The following PCDHA3 variants were observed in gnomAD, a reference collection of about 807,000 sequenced individuals.
PCDHA3 encodes the protein protocadherin alpha-3.
A neutral mutation model predicts 62.2 loss-of-function variants in PCDHA3; 41 were observed. The ratio of observed to expected loss-of-function variants is 0.66; its 90% CI spans 0.51 to 0.86. PCDHA3 has a LOEUF of 0.86. Ranked by LOEUF, PCDHA3 falls within the 40% of genes least tolerant of loss-of-function variation. PCDHA3 has a pLI of 0.00. For synonymous variants in PCDHA3, 640 were observed against 555.4 expected (o/e 1.15, Z -2.14); for missense variants, 1,304 against 1,241.2 (o/e 1.05, Z -0.76).
chr5:140,941,214 C>CTTTCTTTCTTTCTGTCTTT, intron 1 of PCDHA3, among the ~76,000 whole-genome samples: 1 of 122,492 alleles, frequency 8.2e-6, no homozygotes, highest in African/African-American at 3.1e-5. Flanking sequence ...TTTCTTTCTT[C>CTTTCTTTCTTTCTGTCTTT]CTTTCTTTCT....
chr5:140,897,548 A>G (rs1417180451), intron 1 of PCDHA3, among the ~76,000 whole-genome samples: 6 of 152,098 alleles, frequency 3.9e-5, no homozygotes, highest in Admixed American at 2.6e-4. Context: ...ATAGTCTTCC[A>G]TGGTGTATAT....
At chr5:140,828,161 T>A in intron 1 of PCDHA3, 2 of 1,614,176 alleles carry the variant, frequency 1.2e-6, no homozygotes, top group Non-Finnish European at 1.7e-6. Flanking sequence ...CCTCGCAGCC[T>A]GGAAGGTGGG....
Position 140,848,921 on chromosome 5 carries a change from C to T in PCDHA3, c.2394+45330C>T. ...CAGCGACACAAAAGAATCTGTTCAT[C>T]GCGGAATCCAGGCCGCTTGACTCTC... On this transcript the variant is annotated intron_variant, in intron 1 of 3. Transcript: ENST00000522353. 3.7e-6 allele frequency: 6 copies of T among 1,607,754 alleles called. 1 individual carries two copies. Among genetic ancestry groups the T allele is most frequent in the Non-Finnish European group, 2.5e-6 (3 of 1,176,916 alleles).
At chr5:140,857,744 G>T (rs1374937613) in intron 1 of PCDHA3, 1 of 1,597,416 alleles carries the variant, frequency 6.3e-7, no homozygotes, top group Non-Finnish European at 8.6e-7. Context: ...CGCGCTGCTG[G>T]CGTCTCCCGC....
At chr5:140,968,228 C>T in intron 1 of PCDHA3, 1 of 1,614,010 alleles carries the variant, frequency 6.2e-7, no homozygotes, top group East Asian at 2.2e-5. Flanking sequence ...AGGTGTGTTG[C>T]TCTGTACTGT....
At chr5:140,804,866 A>G (rs989105171) in intron 1 of PCDHA3, 1 of 555,074 alleles carries the variant, frequency 1.8e-6, no homozygotes, top group Non-Finnish European at 3.0e-6. Flanking sequence ...CGTAAAATAG[A>G]TATTTTTCTT....
At chr5:140,856,842 C>T (rs782696740) in intron 1 of PCDHA3, 1 of 1,592,718 alleles carries the variant, frequency 6.3e-7, no homozygotes, top group South Asian at 1.1e-5. Context: ...CGGCTCAACG[C>T]TTCTGATTCG....
intron 1 of PCDHA3, chr5:140,852,674 C>G (rs1302085462): frequency 2.9e-5 from 28 of 966,250 alleles, no homozygotes; most frequent in African/African-American, 3.6e-5. Context: ...GCACAACTCA[C>G]CTTGAATATA....
chr5:140,968,932 A>G, intron 1 of PCDHA3: 3 of 1,614,164 alleles, frequency 1.9e-6, no homozygotes, highest in Non-Finnish European at 2.5e-6. Flanking sequence ...TTCTTTTGAC[A>G]ATCATCATTT....
At chr5:140,848,789 G>A in intron 1 of PCDHA3, 1 of 1,593,198 alleles carries the variant, frequency 6.3e-7, no homozygotes, top group East Asian at 2.2e-5. Flanking sequence ...TGTGCGGGCG[G>A]AGCGCGGAGT....
At chr5:140,945,377 C>T (rs1183566005) in intron 1 of PCDHA3, among the ~76,000 whole-genome samples, 3 of 151,814 alleles carry the variant, frequency 2.0e-5, no homozygotes, top group African/African-American at 7.3e-5. Context: ...CCATATTACC[C>T]AAAGCAATAT....
intron 1 of PCDHA3, chr5:140,836,561 G>A (rs1554136082): frequency 1.1e-5 from 18 of 1,613,566 alleles, no homozygotes; most frequent in Admixed American, 1.7e-5. Flanking sequence ...GCTCAGCGCC[G>A]TCCTCTGAGG....
Position 140,802,796 on chromosome 5 carries a change from C to T in PCDHA3, c.1599C>T (p.Phe533=), listed in dbSNP as rs370006878. ...LDHEELELLQ[F]QVSARDAGVP... is the part of the protein sequence containing the mutation. ...ACGAGGAGCTAGAGCTGCTGCAGTT[C>T]CAGGTGAGTGCGCGCGATGCGGGCG... Residue 533 remains phenylalanine, a synonymous_variant, in exon 1 of 4, where the codon TTC becomes TTT. Transcript: ENST00000522353. 6.8e-6 allele frequency: 11 copies of T among 1,613,430 alleles called. No homozygotes were observed. Among genetic ancestry groups the T allele is most frequent in the Admixed American group, 1.7e-5 (1 of 60,020 alleles).
intron 1 of PCDHA3, among the ~76,000 whole-genome samples, chr5:140,958,528 G>T (rs961967514): frequency 4.6e-5 from 7 of 152,112 alleles, no homozygotes; most frequent in Non-Finnish European, 8.8e-5. Flanking sequence ...TATACTATGT[G>T]TACATTGATT....
At chr5:140,828,526 T>G in intron 1 of PCDHA3, 2 of 1,614,226 alleles carry the variant, frequency 1.2e-6, no homozygotes, top group Non-Finnish European at 1.7e-6. Flanking sequence ...TTTACGAATC[T>G]AGGCTGCCAG....
At chr5:140,958,867 T>C (rs1312043891) in intron 1 of PCDHA3, among the ~76,000 whole-genome samples, 1 of 152,146 alleles carries the variant, frequency 6.6e-6, no homozygotes, top group Non-Finnish European at 1.5e-5. Context: ...ACTGGGTTTA[T>C]AAAAGAATTG....
At chr5:140,997,264 A>G (rs1554255813) in intron 3 of PCDHA3, among the ~76,000 whole-genome samples, 3 of 152,154 alleles carry the variant, frequency 2.0e-5, no homozygotes. Context: ...CACTCTTCCA[A>G]ATATTTCTTG....
At chr5:140,809,824 C>T (rs1562227381) in intron 1 of PCDHA3, 3 of 381,262 alleles carry the variant, frequency 7.9e-6, no homozygotes, top group Non-Finnish European at 9.3e-6. Flanking sequence ...TATATTCACC[C>T]TCTTTGTTTT....
In PCDHA3 at chr5:140,927,241, A is replaced by T. The variant is rs781911240; in HGVS notation, c.2395-51708A>T. The stretch of plus-strand genomic sequence containing the variant: ...CAAGATTCGGATTCACGTCCTGGAC[A>T]CCAATGACAACTCACCTCTCTTTCC... On this transcript the variant is annotated intron_variant, in intron 1 of 3. Coordinates refer to ENST00000522353, the MANE Select transcript of PCDHA3 (RefSeq NM_018906.3). 3 of 1,613,966 alleles carry T rather than the reference A, an allele frequency of 1.9e-6. No homozygotes were observed. The Admixed American group carries it at 5.0e-5, about 27-fold the overall frequency.
Sources: gnomAD v4.1 joint callset for allele counts (sites outside exome capture counted in the v4.1 genomes callset) on GRCh38, gnomAD v4.1.1 for gene constraint, MANE v1.5 for transcripts, NCBI Gene and HGNC (gene_info 2026-07-23, HGNC 2026-07-21) for gene names.